Variants in ZNF90 observed in about 807,000 individuals in gnomAD.
The protein encoded by ZNF90 is zinc finger protein HTF9.
A neutral mutation model predicts 12.0 loss-of-function variants in ZNF90; 11 were observed. The ratio of observed to expected loss-of-function variants is 0.92; its 90% CI spans 0.58 to 1.52. The LOEUF is 1.52. Ranked by LOEUF, ZNF90 falls within the 40% of genes most tolerant of loss-of-function variation. The probability of loss-of-function intolerance (pLI) is 0.00; values close to 1 mark genes in which losing one functional copy is unlikely to be tolerated. For missense variants in ZNF90, 765 were observed against 711.5 expected (o/e 1.08, Z -0.86); for synonymous variants, 232 against 240.1 (o/e 0.97, Z 0.31).
chr19:20,119,362 A>G lies in ZNF90; in HGVS notation c.*2A>G, dbSNP rs1555706322. 6.4e-7 allele frequency: 1 copy of G among 1,570,036 alleles called. No individual in the cohort carries two copies. The highest frequency in any genetic ancestry group is 1.2e-5 in the South Asian group (1 of 86,260). ...GTGAAGAACATGGCAAATCTTTGAA[A>G]TATTCCTCAACCCTTAATAAACATA... On this transcript the variant is annotated 3_prime_UTR_variant, in exon 4 of 4. Transcript: ENST00000418063.
chr19:20,083,057 C>G (rs1395606757), intron 1 of ZNF90, among the ~76,000 whole-genome samples: 1 of 152,120 alleles, frequency 6.6e-6, no homozygotes, highest in African/African-American at 2.4e-5. Context: ...TCCTGCTGAC[C>G]CTTCCCCCGC....
At chr19:20,088,198 A>G (rs563558632) in intron 1 of ZNF90, among the ~76,000 whole-genome samples, 82 of 151,858 alleles carry the variant, frequency 5.4e-4, no homozygotes, top group Admixed American at 5.1e-3. Flanking sequence ...TTGGGGCGGC[A>G]AAAATTTTTG....
At chr19:20,084,037 T>G (rs952992689) in intron 1 of ZNF90, among the ~76,000 whole-genome samples, 1 of 151,746 alleles carries the variant, frequency 6.6e-6, no homozygotes, top group South Asian at 2.1e-4. Context: ...AGGACGGGCA[T>G]GAGCCACCAC....
Position 20,119,266 on chromosome 19 carries a change from G to T in ZNF90, c.1712G>T (p.Gly571Val), listed in dbSNP as rs1555706303. 2.5e-6 allele frequency: 4 copies of T among 1,613,776 alleles called. No homozygotes were observed. Among genetic ancestry groups the T allele is most frequent in the Non-Finnish European group, 8.5e-7 (1 of 1,179,874 alleles). ...GEKPYKCEEC[G>V]KAFNLSSDLN... ...AAACCCTACAAATGTGAAGAATGTG[G>T]CAAAGCTTTTAACTTGTCCTCAGAC... The change falls in exon 4 of 4, where the codon GGC (glycine) becomes GTC (valine). Residue 571 changes from glycine (G) to valine (V), a missense_variant. Gly to Val is a moderately radical substitution (Grantham distance 109). Transcript: ENST00000418063.
intron 1 of ZNF90, among the ~76,000 whole-genome samples, chr19:20,084,841 G>A (rs1187358179): frequency 3.9e-5 from 6 of 152,060 alleles, no homozygotes; most frequent in South Asian, 2.1e-4. Flanking sequence ...GAGGTTGTTC[G>A]GTTTTTTCTT....
intron 1 of ZNF90, among the ~76,000 whole-genome samples, chr19:20,097,317 C>G (rs1475540692): frequency 9.9e-5 from 15 of 152,204 alleles, no homozygotes. Flanking sequence ...CTTTTCCTCT[C>G]AGGCTTCCAG....
At chr19:20,082,450 T>G (rs1435599759) in intron 1 of ZNF90, among the ~76,000 whole-genome samples, 36 of 152,228 alleles carry the variant, frequency 2.4e-4, no homozygotes, top group Admixed American at 2.4e-3. Flanking sequence ...CTTGAGATAC[T>G]GTTAATCTGT....
chr19:20,094,524 C>T (rs1184224091), intron 1 of ZNF90, among the ~76,000 whole-genome samples: 4 of 152,094 alleles, frequency 2.6e-5, no homozygotes, highest in Admixed American at 2.0e-4. Flanking sequence ...TTTTTAAGCC[C>T]TTCAACTAGG....
chr19:20,115,543 T>C (rs2089129882), intron 3 of ZNF90, among the ~76,000 whole-genome samples: 1 of 151,678 alleles, frequency 6.6e-6, no homozygotes. Flanking sequence ...AACAATATAT[T>C]TGAATGTGGT....
intron 1 of ZNF90, 63 bp downstream of exon 1, chr19:20,078,198 G>A (rs951847841): frequency 6.2e-7 from 1 of 1,608,444 alleles, no homozygotes; most frequent in Non-Finnish European, 8.5e-7. Flanking sequence ...ATGGGAAGTG[G>A]CTGTGGCGGG....
intron 3 of ZNF90, among the ~76,000 whole-genome samples, chr19:20,109,527 T>C (rs2089068106): frequency 6.6e-6 from 1 of 152,184 alleles, no homozygotes; most frequent in Non-Finnish European, 1.5e-5. Context: ...TTTAAAAGCA[T>C]TGTTTTAAAA....
At chr19:20,092,327 G>T (rs1277182822) in intron 1 of ZNF90, among the ~76,000 whole-genome samples, 1 of 152,208 alleles carries the variant, frequency 6.6e-6, no homozygotes, top group Non-Finnish European at 1.5e-5. Context: ...AGCAGCGGCT[G>T]CACGGAGACA....
At chr19:20,100,894 C>T (rs905224118) in intron 1 of ZNF90, among the ~76,000 whole-genome samples, 12 of 152,248 alleles carry the variant, frequency 7.9e-5, no homozygotes, top group African/African-American at 2.9e-4. Context: ...TCATGTATCA[C>T]CTGAGAGCAG....
At chr19:20,116,234 A>G (rs1555705646) in intron 3 of ZNF90, among the ~76,000 whole-genome samples, 1 of 152,066 alleles carries the variant, frequency 6.6e-6, no homozygotes, top group Non-Finnish European at 1.5e-5. Context: ...CAGTGGTACA[A>G]TCTCCACTCA....
chr19:20,117,691 C>G (rs1242846033), intron 3 of ZNF90, 90 bp from the exon 4 acceptor site: 1 of 1,416,362 alleles, frequency 7.1e-7, no homozygotes, highest in Non-Finnish European at 9.2e-7. Context: ...TTTCATTTTG[C>G]CCAAGATGAG....
chr19:20,087,851 A>C (rs140604751), intron 1 of ZNF90, among the ~76,000 whole-genome samples: 1,612 of 152,112 alleles, frequency 0.011, 16 homozygotes, highest in Middle Eastern at 0.027. Context: ...AATTAAAGTC[A>C]AAGGGGGTTT....
At chr19:20,096,424 G>A (rs192366931) in intron 1 of ZNF90, among the ~76,000 whole-genome samples, 8 of 152,244 alleles carry the variant, frequency 5.3e-5, no homozygotes, top group African/African-American at 1.9e-4. Context: ...GGCTGATTCC[G>A]AAAAGAGAGT....
chr19:20,119,548 T>C lies in ZNF90; in HGVS notation c.*188T>C, dbSNP rs2122535710. ...TTTTAAGGAAGTTCTCAACCCTTAC[T>C]ACACATAATTCATACTGGACGGAAA... On this transcript the variant is annotated 3_prime_UTR_variant, in exon 4 of 4. Coordinates refer to ENST00000418063, the MANE Select transcript of ZNF90 (RefSeq NM_007138.2). 1 of 580,274 alleles carries C rather than the reference T, an allele frequency of 1.7e-6. No individual in the cohort carries two copies. The highest frequency in any genetic ancestry group is 2.4e-5 in the South Asian group (1 of 41,358). The allele number at this position is 580,274 out of a possible 1,614,324, so 35.9% of individuals were successfully genotyped here.
intron 1 of ZNF90, among the ~76,000 whole-genome samples, chr19:20,094,649 C>T (rs1407719279): frequency 6.6e-5 from 10 of 152,058 alleles, no homozygotes; most frequent in East Asian, 1.9e-4. Flanking sequence ...CTCGTGAAGC[C>T]GGCGGTTATC....
Sources: allele counts gnomAD v4.1 joint callset (sites outside exome capture counted in the v4.1 genomes callset), GRCh38; gene constraint gnomAD v4.1.1; transcripts MANE v1.5; gene names NCBI Gene and HGNC (gene_info 2026-07-23, HGNC 2026-07-21).